Variants in PRUNE2 observed in about 807,000 individuals in gnomAD.
PRUNE2 encodes prune homolog 2 with BCH domain.
PRUNE2 carries 164 observed loss-of-function variants against 252.0 expected under a neutral mutation model. The ratio of observed to expected loss-of-function variants is 0.65; its 90% CI spans 0.57 to 0.74. The LOEUF (loss-of-function observed/expected upper bound fraction) is 0.74. Among genes scored for constraint, PRUNE2 ranks in the 30% least tolerant of loss-of-function variants. The probability of loss-of-function intolerance (pLI) is 0.00; values close to 1 mark genes in which losing one functional copy is unlikely to be tolerated. For synonymous variants in PRUNE2, 1,292 were observed against 1,350.2 expected (o/e 0.96, Z 0.94); for missense variants, 3,495 against 3,711.0 (o/e 0.94, Z 1.51).
At chr9:76,694,006 C>T (rs976329828) in intron 9 of PRUNE2, among the ~76,000 whole-genome samples, 4 of 152,188 alleles carry the variant, frequency 2.6e-5, no homozygotes, top group Non-Finnish European at 4.4e-5. Flanking sequence ...AAAATAACTT[C>T]GGAGCTGGTT....
intron 6 of PRUNE2, among the ~76,000 whole-genome samples, chr9:76,755,823 C>T (rs1487879991): frequency 1.3e-5 from 2 of 152,070 alleles, no homozygotes; most frequent in South Asian, 2.1e-4. Context: ...CGCTTCAGCC[C>T]GCCAAGTAGC....
At chr9:76,897,283 G>T (rs577725632) in intron 1 of PRUNE2, among the ~76,000 whole-genome samples, 2 of 151,918 alleles carry the variant, frequency 1.3e-5, no homozygotes, top group African/African-American at 2.4e-5. Flanking sequence ...GATCTTGGGG[G>T]AAGAGGTGCT....
Position 76,694,992 on chromosome 9 carries a change from T to C in PRUNE2, c.8276+8345A>G, listed in dbSNP as rs148171660. Among the ~76,000 whole-genome samples the C allele has an allele frequency of 1.2e-3, 181 of 152,312 alleles. 2 individuals carry two copies. In the East Asian group the frequency reaches 0.029, roughly 24 times the overall value. ...ACAGCTGCTTGAGTTGATGGTATAA[T>C]AGATGACTAATTAAATAAAACCATG... On this transcript the variant is annotated intron_variant, in intron 9 of 18. Coordinates refer to ENST00000376718, the MANE Select transcript of PRUNE2 (RefSeq NM_015225.3).
chr9:76,851,714 C>G (rs1455550809), intron 2 of PRUNE2, among the ~76,000 whole-genome samples: 1 of 152,158 alleles, frequency 6.6e-6, no homozygotes, highest in East Asian at 1.9e-4. Flanking sequence ...TACAGACTAT[C>G]AGATCGTGAT....
intron 9 of PRUNE2, among the ~76,000 whole-genome samples, chr9:76,668,730 C>T (rs1376527609): frequency 6.6e-6 from 1 of 151,952 alleles, no homozygotes; most frequent in Non-Finnish European, 1.5e-5. Context: ...GGAGGACCGG[C>T]TTCATTCCAC....
In PRUNE2 at chr9:76,870,895, C is replaced by T. The variant is rs139823350; in HGVS notation, c.37-16687G>A. ...AATACGGCAGCAAAGAGTACCTCAC[C>T]ATTGCACAACTCCAGGGAGTGCCAT... is the stretch of plus-strand genomic sequence containing the variant. On this transcript the variant is annotated intron_variant, in intron 1 of 18. Transcript: ENST00000376718. 2.6e-3 allele frequency among the ~76,000 whole-genome samples: 394 copies of T among 152,136 alleles called. 5 individuals carry two copies. The highest frequency in any genetic ancestry group is 0.014 in the Middle Eastern group (4 of 294).
At chr9:76,798,131 G>A (rs1341760861) in intron 6 of PRUNE2, among the ~76,000 whole-genome samples, 1 of 130,580 alleles carries the variant, frequency 7.7e-6, no homozygotes, top group Non-Finnish European at 1.6e-5. Context: ...ATTCTTAATT[G>A]TAGTTAAAAA....
chr9:76,637,268 T>C lies in PRUNE2; in HGVS notation c.8963+150A>G, dbSNP rs994885401. On this transcript the variant is annotated intron_variant, in intron 14 of 18. Coordinates refer to ENST00000376718, the MANE Select transcript of PRUNE2 (RefSeq NM_015225.3). ...CCTTTACTATTTTGAAAAGAATACA[T>C]GCTTAATAGCAACTTAGACAATTTA... The C allele has an allele frequency of 2.0e-5, 16 of 788,374 alleles. No homozygotes were observed. In the Admixed American group the frequency reaches 3.7e-4, roughly 18 times the overall value. The allele number at this position is 788,374 out of a possible 1,614,324, so 48.8% of individuals were successfully genotyped here.
chr9:76,803,370 C>T (rs2056698249), intron 6 of PRUNE2, among the ~76,000 whole-genome samples: 1 of 152,178 alleles, frequency 6.6e-6, no homozygotes, highest in Non-Finnish European at 1.5e-5. Flanking sequence ...CTATTTTTCT[C>T]TATAGGACAT....
chr9:76,843,878 G>A (rs775274875), intron 4 of PRUNE2, among the ~76,000 whole-genome samples: 34 of 151,750 alleles, frequency 2.2e-4, no homozygotes, highest in Non-Finnish European at 4.3e-4. Flanking sequence ...ACAGGCGTCC[G>A]CCACCACACC....
At chr9:76,843,529 T>C (rs1480669094) in intron 4 of PRUNE2, among the ~76,000 whole-genome samples, 4 of 151,930 alleles carry the variant, frequency 2.6e-5, no homozygotes, top group Non-Finnish European at 5.9e-5. Flanking sequence ...CACCCAAAAA[T>C]CCAAAGTAAC....
chr9:76,819,329 T>C (rs528053587), intron 6 of PRUNE2: 2 of 152,134 alleles, frequency 1.3e-5, no homozygotes, highest in African/African-American at 4.8e-5. Flanking sequence ...AAGGGGAAAT[T>C]TGAACACAGA....
At position 76,708,971 on chromosome 9, in the gene PRUNE2, G is replaced by A. The variant is rs1388987652; in HGVS notation, c.3303C>T (p.Ser1101=). The A allele has an allele frequency of 6.2e-7, 1 of 1,613,988 alleles. No individual in the cohort carries two copies. Among genetic ancestry groups the A allele is most frequent in the Non-Finnish European group, 8.5e-7 (1 of 1,179,892 alleles). ...CAGGGGCCGTCTGCCGGGAGTTGGT[G>A]CTGCTGTGCAAAAGTGTGAGTTGTC... The part of the protein sequence containing the change: ...TNRQLTLLHS[S]TNSRQTAPDS... Residue 1101 remains serine (S), a synonymous_variant, in exon 8 of 19, where the codon AGC becomes AGT. Transcript: ENST00000376718.
At chr9:76,757,495 T>C (rs2051262331) in intron 6 of PRUNE2, among the ~76,000 whole-genome samples, 1 of 152,154 alleles carries the variant, frequency 6.6e-6, no homozygotes, top group Non-Finnish European at 1.5e-5. Flanking sequence ...TTTCAGAAAC[T>C]AAAGCATCTA....
rs2051598340 is a variant in PRUNE2, at chr9:76,760,456, T to G, written c.757-46735A>C. ...TCTTCTCTTTTTCTCTAATCTACTT[T>G]TTCCCTTCTTACTTTAATAATTCCA... On this transcript the variant is annotated intron_variant, in intron 6 of 18. Transcript: ENST00000376718. Among the ~76,000 whole-genome samples the G allele has an allele frequency of 3.3e-5, 5 of 152,290 alleles. No homozygotes were observed. In the South Asian group the frequency reaches 1.0e-3, roughly 32 times the overall value.
At chr9:76,630,262 G>GTTT (rs11303005) in intron 15 of PRUNE2, among the ~76,000 whole-genome samples, 6 of 134,572 alleles carry the variant, frequency 4.5e-5, no homozygotes, top group Admixed American at 3.0e-4. Flanking sequence ...AAAAATTTTT[G>GTTT]TTTTTTTTTT....
chr9:76,836,298 T>C (rs114627387), intron 4 of PRUNE2, among the ~76,000 whole-genome samples: 2,263 of 133,842 alleles, frequency 0.017, 56 homozygotes, highest in African/African-American at 0.058. Context: ...GCACCAACTT[T>C]AGCCACCATG....
At chr9:76,793,879 A>C (rs1223748515) in intron 6 of PRUNE2, among the ~76,000 whole-genome samples, 1 of 152,236 alleles carries the variant, frequency 6.6e-6, no homozygotes, top group Non-Finnish European at 1.5e-5. Flanking sequence ...TGTTCCATAC[A>C]ACATGGTCTA....
At chr9:76,673,498 C>T (rs1331646717) in intron 9 of PRUNE2, among the ~76,000 whole-genome samples, 2 of 112,220 alleles carry the variant, frequency 1.8e-5, no homozygotes, top group Non-Finnish European at 1.8e-5. Flanking sequence ...GGTACCATTC[C>T]TTCTGAAACT....
Sources: gnomAD v4.1 joint callset for allele counts (sites outside exome capture counted in the v4.1 genomes callset) on GRCh38, gnomAD v4.1.1 for gene constraint, MANE v1.5 for transcripts, NCBI Gene and HGNC (gene_info 2026-07-23, HGNC 2026-07-21) for gene names.